FSTL5: variants seen among roughly 807,000 people sequenced by gnomAD.
FSTL5 encodes the protein follistatin-related protein 5.
In FSTL5, 62 loss-of-function variants were observed where a neutral mutation model predicts 89.1. The ratio of observed to expected loss-of-function variants is 0.70; its 90% CI spans 0.57 to 0.86. The LOEUF is 0.86. Among genes scored for constraint, FSTL5 ranks in the 40% least tolerant of loss-of-function variants. The pLI, the probability that FSTL5 is intolerant of heterozygous loss-of-function variation, is 0.00. For missense variants in FSTL5, 1,057 were observed against 1,001.6 expected (o/e 1.06, Z -0.75); for synonymous variants, 383 against 346.2 (o/e 1.11, Z -1.18).
intron 4 of FSTL5, among the ~76,000 whole-genome samples, chr4:161,807,573 A>AG (rs1730008888): frequency 8.5e-5 from 13 of 152,164 alleles, no homozygotes; most frequent in African/African-American, 3.1e-4. Flanking sequence ...TTGGTGGGTC[A>AG]TAGGTCTCTG....
At chr4:161,626,039 A>C (rs774274822) in intron 7 of FSTL5, among the ~76,000 whole-genome samples, 52 of 152,164 alleles carry the variant, frequency 3.4e-4, no homozygotes, top group Admixed American at 1.3e-4. Flanking sequence ...ATGGAGTTTA[A>C]GGAAAAAAGC....
intron 4 of FSTL5, among the ~76,000 whole-genome samples, chr4:161,804,931 A>G (rs745785591): frequency 5.9e-5 from 9 of 152,086 alleles, no homozygotes; most frequent in Non-Finnish European, 1.3e-4. Flanking sequence ...CCCTGTAAGA[A>G]TTATCTGTTG....
At chr4:161,809,182 T>G (rs529707145) in intron 4 of FSTL5, among the ~76,000 whole-genome samples, 68 of 152,140 alleles carry the variant, frequency 4.5e-4, no homozygotes, top group South Asian at 3.1e-3. Context: ...TGGCGCCACT[T>G]CACTCCAGCC....
At chr4:162,081,232 C>T (rs1289091946) in intron 2 of FSTL5, among the ~76,000 whole-genome samples, 1 of 151,392 alleles carries the variant, frequency 6.6e-6, no homozygotes, top group Non-Finnish European at 1.5e-5. Flanking sequence ...TCAGTAGCAC[C>T]AAAATGCTCT....
intron 7 of FSTL5, among the ~76,000 whole-genome samples, chr4:161,635,799 T>C (rs561006708): frequency 1.9e-4 from 29 of 152,210 alleles, no homozygotes; most frequent in Non-Finnish European, 2.2e-4. Context: ...AGTATAAAGA[T>C]GCTTGAATAT....
intron 7 of FSTL5, among the ~76,000 whole-genome samples, chr4:161,620,964 C>T (rs1343926446): frequency 6.8e-6 from 1 of 147,318 alleles, no homozygotes; most frequent in Non-Finnish European, 1.5e-5. Flanking sequence ...ACTCCTCCCT[C>T]TAGAATAACA....
intron 6 of FSTL5, among the ~76,000 whole-genome samples, chr4:161,699,709 A>T (rs1738308938): frequency 6.6e-6 from 1 of 152,192 alleles, no homozygotes; most frequent in Non-Finnish European, 1.5e-5. Flanking sequence ...GTTTTGCATT[A>T]TTCACCCCAG....
chr4:162,040,187 A>G (rs1040333744), intron 2 of FSTL5, among the ~76,000 whole-genome samples: 1 of 152,048 alleles, frequency 6.6e-6, no homozygotes, highest in Non-Finnish European at 1.5e-5. Flanking sequence ...AAAAGTGATA[A>G]TTTGCAGCAG....
intron 12 of FSTL5, among the ~76,000 whole-genome samples, chr4:161,482,129 C>T (rs547909168): frequency 2.1e-3 from 323 of 152,136 alleles, no homozygotes; most frequent in Non-Finnish European, 3.5e-3. Context: ...TCCTGGCTAA[C>T]ATGGTGAAAA....
intron 6 of FSTL5, among the ~76,000 whole-genome samples, chr4:161,723,891 A>T (rs1290943676): frequency 1.3e-5 from 2 of 152,284 alleles, no homozygotes; most frequent in South Asian, 2.1e-4. Context: ...AAATAATTCT[A>T]CACACAAAAA....
chr4:161,493,719 G>T (rs561102959), intron 12 of FSTL5, among the ~76,000 whole-genome samples: 1 of 151,982 alleles, frequency 6.6e-6, no homozygotes, highest in Non-Finnish European at 1.5e-5. Flanking sequence ...TATTTGTAAA[G>T]CGTGCGGAAT....
At chr4:161,801,831 CAAATT>C (rs1729804772) in intron 4 of FSTL5, among the ~76,000 whole-genome samples, 1 of 151,482 alleles carries the variant, frequency 6.6e-6, no homozygotes, top group African/African-American at 2.4e-5. Flanking sequence ...GTGTGAAAGA[CAAATT>C]AAAAAGAGAT....
intron 3 of FSTL5, among the ~76,000 whole-genome samples, chr4:161,941,738 T>TA (rs950404331): frequency 6.6e-6 from 1 of 151,820 alleles, no homozygotes; most frequent in Non-Finnish European, 1.5e-5. Flanking sequence ...AGCAACTATA[T>TA]AAAAAATAAT....
chr4:161,836,720 T>C (rs1200544501), intron 4 of FSTL5, among the ~76,000 whole-genome samples: 1 of 151,914 alleles, frequency 6.6e-6, no homozygotes, highest in African/African-American at 2.4e-5. Context: ...AGAGCAAAAT[T>C]AAAGATATTG....
At chr4:161,512,016 T>G (rs1314898291) in intron 10 of FSTL5, among the ~76,000 whole-genome samples, 3 of 152,054 alleles carry the variant, frequency 2.0e-5, no homozygotes, top group Non-Finnish European at 2.9e-5. Context: ...CAGAACATAT[T>G]GAGGGAATGT....
intron 7 of FSTL5, among the ~76,000 whole-genome samples, chr4:161,636,832 T>C (rs13132476): frequency 0.14 from 16,643 of 120,970 alleles, 1,106 homozygotes; most frequent in Middle Eastern, 0.26. Context: ...ATGGTGTATA[T>C]GTGCCACATT....
chr4:161,719,891 C>T (rs1388190240), intron 6 of FSTL5, among the ~76,000 whole-genome samples: 1 of 151,954 alleles, frequency 6.6e-6, no homozygotes, highest in Non-Finnish European at 1.5e-5. Flanking sequence ...ACACGATACA[C>T]AAAAATCAAC....
chr4:162,075,924 T>C (rs1253980503), intron 2 of FSTL5, among the ~76,000 whole-genome samples: 3 of 151,838 alleles, frequency 2.0e-5, no homozygotes, highest in Non-Finnish European at 4.4e-5. Flanking sequence ...TGCAACTGCA[T>C]TGTAACTTAA....
At chr4:161,911,359 T>G (rs557662127) in intron 4 of FSTL5, among the ~76,000 whole-genome samples, 1 of 152,264 alleles carries the variant, frequency 6.6e-6, no homozygotes, top group African/African-American at 2.4e-5. Flanking sequence ...TCAATATTGT[T>G]TCTACATATT....
Sources: gnomAD v4.1 joint callset for allele counts (sites outside exome capture counted in the v4.1 genomes callset) on GRCh38, gnomAD v4.1.1 for gene constraint, MANE v1.5 for transcripts, NCBI Gene and HGNC (gene_info 2026-07-23, HGNC 2026-07-21) for gene names.